The following HLTF variants were observed in gnomAD, a reference collection of about 807,000 sequenced individuals.
HLTF encodes the protein helicase like transcription factor.
Under a neutral mutation model 129.4 loss-of-function variants are expected in HLTF, and 127 were observed. The observed-to-expected ratio is 0.98, with a 90% CI of 0.85 to 1.14. The LOEUF is 1.14. Ranked by LOEUF, HLTF falls within the 50% of genes most tolerant of loss-of-function variation. The probability of loss-of-function intolerance (pLI) is 0.00; values close to 1 mark genes in which losing one functional copy is unlikely to be tolerated. For missense variants in HLTF, 1,139 were observed against 1,187.1 expected, an observed-to-expected ratio of 0.96 and a Z score of 0.60; for synonymous variants, 332 against 388.8, an observed-to-expected ratio of 0.85 and a Z score of 1.72.
chr3:149,032,381 A>AG lies in HLTF; in HGVS notation c.2878-10dup. ...GAGTCCTTTACAATGAACTTTAAAA[A>AG]GAAAAAAAAAAGTTAAGTAGTTTTT... On this transcript the variant is annotated splice_polypyrimidine_tract_variant and intron_variant, in intron 24 of 24. Coordinates refer to ENST00000310053, the MANE Select transcript of HLTF (RefSeq NM_003071.4). 6.9e-7 allele frequency: 1 copy of AG among 1,446,832 alleles called. No individual in the cohort carries two copies. Among genetic ancestry groups the AG allele is most frequent in the Non-Finnish European group, 9.3e-7 (1 of 1,079,420 alleles). The allele number at this position is 1,446,832 out of a possible 1,614,324, so 89.6% of individuals were successfully genotyped here.
At position 149,074,290 on chromosome 3, in the gene HLTF, C is replaced by A; in HGVS notation, c.454G>T (p.Gly152Ter). 4 of 1,613,156 alleles carry A rather than the reference C, an allele frequency of 2.5e-6. No individual in the cohort carries two copies. The highest frequency in any genetic ancestry group is 1.7e-5 in the Admixed American group (1 of 59,984). The change falls in exon 4 of 25, where the codon GGA becomes TGA. Residue 152 changes from glycine to a stop codon, truncating the protein, a stop_gained. Transcript: ENST00000310053. LOFTEE classifies it high-confidence loss of function. ...FTMPLHMTFW[G>*]KEENRKAVSD... ...ACCGCTTTTCTATTTTCTTCTTTTC[C>A]CCAAAAAGTCATATGCAGAGGCATG...
intron 13 of HLTF, among the ~76,000 whole-genome samples, chr3:149,055,622 G>A (rs530718960): frequency 6.6e-6 from 1 of 152,272 alleles, no homozygotes; most frequent in Non-Finnish European, 1.5e-5. Flanking sequence ...ACAGAGAGTA[G>A]GTCACAAGGA....
In HLTF at chr3:149,048,857, G is replaced by A. The variant is rs1716758042; in HGVS notation, c.1756+6C>T. The A allele has an allele frequency of 1.4e-5, 23 of 1,608,564 alleles. No individual in the cohort carries two copies. The highest frequency in any genetic ancestry group is 1.9e-5 in the Non-Finnish European group (22 of 1,175,448). On this transcript the variant is annotated splice_donor_region_variant and intron_variant, in intron 16 of 24. Coordinates refer to ENST00000310053, the MANE Select transcript of HLTF (RefSeq NM_003071.4). Reference sequence around the variant, plus strand: ...AAGGTTTTAGTAAGTTTAATGCTATGATTACCTGTCAAAACCCATCTTCTT... The same window carrying A: ...AAGGTTTTAGTAAGTTTAATGCTATAATTACCTGTCAAAACCCATCTTCTT...
chr3:149,050,354 TTA>T lies in HLTF; in HGVS notation c.1493_1494del (p.Ile498LysfsTer15). 6.3e-7 allele frequency: 1 copy of T among 1,588,478 alleles called. No homozygotes were observed. Among genetic ancestry groups the T allele is most frequent in the South Asian group, 1.1e-5 (1 of 87,024 alleles). ...SNWIDQFGQHIKSDVHLNFYV... is the reference protein window; with the variant it reads ...SNWIDQFGQHXKSDVHLNFYV... ...TAAAAATTCAAGTGTACATCTGATT[TTA>T]TATGTTGTCCAAACTGGTCCTAAAG... On this transcript the variant is annotated frameshift_variant, in exon 15 of 25. Transcript: ENST00000310053. LOFTEE classifies it high-confidence loss of function.
intron 22 of HLTF, 115 bp from the exon 23 acceptor site, chr3:149,039,344 T>A: frequency 1.2e-6 from 1 of 820,714 alleles, no homozygotes; most frequent in African/African-American, 1.8e-5. Context: ...TTTTAACAAA[T>A]GTTTATTGAA....
intron 14 of HLTF, among the ~76,000 whole-genome samples, 193 bp downstream of exon 14, chr3:149,055,110 T>C (rs1277344644): frequency 6.6e-6 from 1 of 152,220 alleles, no homozygotes; most frequent in Non-Finnish European, 1.5e-5. Flanking sequence ...CCTTCTTCTC[T>C]ACTACACATC....
chr3:149,064,785 AT>A lies in HLTF; in HGVS notation c.1066+5del. ...AATATTGGATCATTTCAAAATTAGC[AT>A]TTACCTTTGCTTAGTCCATCTGCCT... is the stretch of plus-strand genomic sequence containing the variant. On this transcript the variant is annotated splice_donor_5th_base_variant and intron_variant, in intron 9 of 24. Coordinates refer to ENST00000310053, the MANE Select transcript of HLTF (RefSeq NM_003071.4). 6.6e-7 allele frequency: 1 copy of A among 1,518,814 alleles called. No individual in the cohort carries two copies. Among genetic ancestry groups the A allele is most frequent in the Non-Finnish European group, 9.1e-7 (1 of 1,094,736 alleles). The allele number at this position is 1,518,814 out of a possible 1,614,324, so 94.1% of individuals were successfully genotyped here. A position where few individuals can be genotyped will look rare whatever the true frequency, so the allele number is the denominator to read the frequency against.
chr3:149,046,860 T>C (rs1286621180), intron 17 of HLTF, among the ~76,000 whole-genome samples: 2 of 152,210 alleles, frequency 1.3e-5, no homozygotes, highest in Non-Finnish European at 2.9e-5. Context: ...TCTTGTTTTT[T>C]CCCAACATTG....
intron 2 of HLTF, among the ~76,000 whole-genome samples, chr3:149,078,633 G>A (rs910407348): frequency 5.9e-5 from 9 of 152,028 alleles, no homozygotes; most frequent in Admixed American, 2.6e-4. Flanking sequence ...CGAGGTGGGC[G>A]GATCACGAGG....
chr3:149,067,384 A>G lies in HLTF; in HGVS notation c.990+856T>C, dbSNP rs146627106. On this transcript the variant is annotated intron_variant, in intron 8 of 24. Transcript: ENST00000310053. ...ACCTGTCATTTTTTAACTAAAAAGA[A>G]TCATGAAAGTGATTATTCATCAAAA... Among the ~76,000 whole-genome samples, 91 of 152,346 alleles carry G rather than the reference A, an allele frequency of 6.0e-4. 1 individual carries two copies. In the East Asian group the frequency reaches 0.012, roughly 20 times the overall value.
chr3:149,068,588 T>G (rs1189704849), intron 7 of HLTF, among the ~76,000 whole-genome samples: 1 of 152,224 alleles, frequency 6.6e-6, no homozygotes, highest in Non-Finnish European at 1.5e-5. Context: ...TTTTATTGAA[T>G]GACTGCTATT....
At chr3:149,081,908 A>G (rs1576630260) in intron 2 of HLTF, among the ~76,000 whole-genome samples, 1 of 152,252 alleles carries the variant, frequency 6.6e-6, no homozygotes, top group African/African-American at 2.4e-5. Flanking sequence ...GCAACACATC[A>G]TACCACCAAA....
At position 149,031,218 on chromosome 3, in the gene HLTF, C is replaced by T. The variant is rs934256023; in HGVS notation, c.*1002G>A. 1.3e-5 allele frequency: 2 copies of T among 152,356 alleles called. No individual in the cohort carries two copies. Among genetic ancestry groups the T allele is most frequent in the African/African-American group, 4.8e-5 (2 of 41,374 alleles). 9.4% of individuals were successfully genotyped at this position (152,356 alleles called of 1,614,324 possible). ...TACAGATAGCTGTAAGGATGAATTA[C>T]TCAAGTTCAAAATCAAATTCTGATT... On this transcript the variant is annotated 3_prime_UTR_variant, in exon 25 of 25. Transcript: ENST00000310053.
Position 149,050,249 on chromosome 3 carries a change from A to G in HLTF, c.1600T>C (p.Leu534=). Residue 534 remains leucine, a synonymous_variant, in exon 15 of 25, where the codon TTA becomes CTA. Coordinates refer to ENST00000310053, the MANE Select transcript of HLTF (RefSeq NM_003071.4). ...QDIVLTTYNI[L]THDYGTKGDS... ...ATACTTACTCCATAGTCATGAGTTA[A>G]AATATTATACGTAGTCAAAACAATA... 6.3e-7 allele frequency: 1 copy of G among 1,586,742 alleles called. No individual in the cohort carries two copies.
rs1326284299 is a variant in HLTF, at chr3:149,048,978, A to G, written c.1641T>C (p.His547=). Residue 547 remains histidine, a synonymous_variant, in exon 16 of 25, where the codon CAT becomes CAC. Coordinates refer to ENST00000310053, the MANE Select transcript of HLTF (RefSeq NM_003071.4). ...GGATCACTCTTAGCCACCTTATGCT[A>G]TGTAATGGACTATCTCCTTTAGTCT... ...DYGTKGDSPL[H]SIRWLRVILD... 6.2e-7 allele frequency: 1 copy of G among 1,606,988 alleles called. No homozygotes were observed. The highest frequency in any genetic ancestry group is 8.5e-7 in the Non-Finnish European group (1 of 1,173,832).
At position 149,084,718 on chromosome 3, in the gene HLTF, T is replaced by G. The variant is rs1720197529; in HGVS notation, c.192A>C (p.Arg64Ser). The G allele has an allele frequency of 6.2e-7, 1 of 1,613,970 alleles. No homozygotes were observed. Residue 64 changes from arginine to serine, a missense_variant, in exon 2 of 25, where the codon AGA (arginine) becomes AGC (serine). Transcript: ENST00000310053. ...EVDSVLFGSL[R>S]GHVVGLRYYT... ...AATAGCGTAGTCCAACCACATGACC[T>G]CTCAAACTTCCAAATAAAACGGAAT...
intron 18 of HLTF, among the ~76,000 whole-genome samples, chr3:149,042,566 C>T (rs181075198): frequency 1.3e-5 from 2 of 152,190 alleles, no homozygotes; most frequent in Admixed American, 1.3e-4. Context: ...AAACACAATT[C>T]TTTAAAATGG....
intron 2 of HLTF, among the ~76,000 whole-genome samples, chr3:149,082,533 T>C (rs1439473717): frequency 1.3e-5 from 2 of 151,982 alleles, no homozygotes; most frequent in African/African-American, 4.8e-5. Flanking sequence ...ATGAATGCAA[T>C]AGGATACAAG....
chr3:149,059,173 A>G (rs750121326), intron 13 of HLTF, among the ~76,000 whole-genome samples: 3 of 151,936 alleles, frequency 2.0e-5, no homozygotes, highest in Non-Finnish European at 4.4e-5. Flanking sequence ...GAAAACAGAT[A>G]GCCTGCTATA....
Sources: gnomAD v4.1 joint callset for allele counts (sites outside exome capture counted in the v4.1 genomes callset) on GRCh38, gnomAD v4.1.1 for gene constraint, MANE v1.5 for transcripts, NCBI Gene and HGNC (gene_info 2026-07-23, HGNC 2026-07-21) for gene names.